Variants in KCNC2 observed in about 807,000 individuals in gnomAD.
KCNC2 encodes the protein potassium voltage-gated channel subfamily C member 2.
Under a neutral mutation model 44.5 loss-of-function variants are expected in KCNC2, and 21 were observed. That is an observed-to-expected ratio of 0.47 (90% CI 0.33 to 0.68). The LOEUF (loss-of-function observed/expected upper bound fraction) is 0.68. Ranked by LOEUF, KCNC2 falls within the 30% of genes least tolerant of loss-of-function variation. The probability of loss-of-function intolerance (pLI) is 0.01; values close to 1 mark genes in which losing one functional copy is unlikely to be tolerated. For missense variants in KCNC2, 589 were observed against 826.2 expected (o/e 0.71, Z 3.52); for synonymous variants, 391 against 339.1 (o/e 1.15, Z -1.68).
At chr12:75,181,691 T>G in intron 2 of KCNC2, among the ~76,000 whole-genome samples, 1 of 152,162 alleles carries the variant, frequency 6.6e-6, no homozygotes, top group East Asian at 1.9e-4. Flanking sequence ...CAAATTCTCC[T>G]CAATGATTTT....
Position 75,137,259 on chromosome 12 carries a change from T to C in KCNC2, c.687+70038A>G, listed in dbSNP as rs745612464. On this transcript the variant is annotated intron_variant, in intron 2 of 4. Coordinates refer to ENST00000549446, the MANE Select transcript of KCNC2 (RefSeq NM_139137.4). ...TACCAACTCCTCAAGGATCTCATCC[T>C]CAGCTCTTTTTTCTTTACACTCTGC... Among the ~76,000 whole-genome samples, 70 of 152,192 alleles carry C rather than the reference T, an allele frequency of 4.6e-4. 1 individual carries two copies. The highest frequency in any genetic ancestry group is 2.9e-3 in the Admixed American group (44 of 15,272).
intron 2 of KCNC2, among the ~76,000 whole-genome samples, chr12:75,064,943 ATG>A (rs571705468): frequency 6.6e-6 from 1 of 151,958 alleles, no homozygotes; most frequent in South Asian, 2.1e-4. Flanking sequence ...TCTACTACAT[ATG>A]TGTGTGTGTA....
chr12:75,180,818 T>A (rs1892522192), intron 2 of KCNC2, among the ~76,000 whole-genome samples: 1 of 152,064 alleles, frequency 6.6e-6, no homozygotes, highest in Admixed American at 6.6e-5. Flanking sequence ...CCTTCTTTGA[T>A]ATTTAAAAGA....
At position 75,087,236 on chromosome 12, in the gene KCNC2, G is replaced by T. The variant is rs540174498; in HGVS notation, c.688-35919C>A. On this transcript the variant is annotated intron_variant, in intron 2 of 4. Coordinates refer to ENST00000549446, the MANE Select transcript of KCNC2 (RefSeq NM_139137.4). The stretch of plus-strand genomic sequence containing the variant: ...TATTAAAGGTAGCATTGGATATGGG[G>T]TATGATGTGAATTTGTTAGGGCCTC... Among the ~76,000 whole-genome samples, 4 of 152,152 alleles carry T rather than the reference G, an allele frequency of 2.6e-5. No homozygotes were observed. The South Asian group carries it at 8.3e-4, about 32-fold the overall frequency.
In KCNC2 at chr12:75,104,739, C is replaced by T. The variant is rs150744642; in HGVS notation, c.688-53422G>A. On this transcript the variant is annotated intron_variant, in intron 2 of 4. Coordinates refer to ENST00000549446, the MANE Select transcript of KCNC2 (RefSeq NM_139137.4). ...AACATCTTTGTATATATAGTAGATACGCATATGGAAACTGACATACAGAGA... is the reference window on the plus strand; with the variant it reads ...AACATCTTTGTATATATAGTAGATATGCATATGGAAACTGACATACAGAGA... 2.0e-3 allele frequency among the ~76,000 whole-genome samples: 299 copies of T among 152,046 alleles called. 2 individuals carry two copies. Among genetic ancestry groups the T allele is most frequent in the African/African-American group, 6.8e-3 (280 of 41,476 alleles).
At chr12:75,047,431 C>T (rs2136929329) in intron 4 of KCNC2, among the ~76,000 whole-genome samples, 1 of 152,142 alleles carries the variant, frequency 6.6e-6, no homozygotes, top group East Asian at 1.9e-4. Context: ...ACCAAAGATG[C>T]TCATCCCACA....
intron 2 of KCNC2, among the ~76,000 whole-genome samples, chr12:75,090,127 A>T (rs1266668631): frequency 6.6e-6 from 1 of 151,778 alleles, no homozygotes; most frequent in Non-Finnish European, 1.5e-5. Context: ...TCATTCCAAC[A>T]GTCTAGATGG....
intron 2 of KCNC2, among the ~76,000 whole-genome samples, chr12:75,081,570 A>T (rs1224735947): frequency 6.6e-6 from 1 of 152,038 alleles, no homozygotes. Flanking sequence ...TGCTGGGTAT[A>T]GTTTGCTAAA....
In KCNC2 at chr12:75,124,875, C is replaced by G. The variant is rs577119997; in HGVS notation, c.688-73558G>C. 3 of 152,230 alleles carry G rather than the reference C, an allele frequency of 2.0e-5. No individual in the cohort carries two copies. The South Asian group carries it at 6.2e-4, about 32-fold the overall frequency. 9.4% of individuals were successfully genotyped at this position (152,230 alleles called of 1,614,324 possible). ...ATCCCAGCACTTTGGGAGGTCGAGGCGGGTGGATCACGAGGTCAGGAGATC... is the reference window on the plus strand; with the variant it reads ...ATCCCAGCACTTTGGGAGGTCGAGGGGGGTGGATCACGAGGTCAGGAGATC... On this transcript the variant is annotated intron_variant, in intron 2 of 4. Transcript: ENST00000549446.
At chr12:75,191,303 A>G (rs1360400309) in intron 2 of KCNC2, among the ~76,000 whole-genome samples, 1 of 151,786 alleles carries the variant, frequency 6.6e-6, no homozygotes, top group Non-Finnish European at 1.5e-5. Flanking sequence ...AAATGAATTA[A>G]CTAAACTAAA....
chr12:75,137,119 G>A (rs1479917086), intron 2 of KCNC2, among the ~76,000 whole-genome samples: 1 of 151,902 alleles, frequency 6.6e-6, no homozygotes, highest in African/African-American at 2.4e-5. Flanking sequence ...ACACTTTTAG[G>A]GCTTCTCTTT....
At chr12:75,128,094 C>T (rs971739961) in intron 2 of KCNC2, among the ~76,000 whole-genome samples, 1 of 152,072 alleles carries the variant, frequency 6.6e-6, no homozygotes, top group Non-Finnish European at 1.5e-5. Context: ...ATGTAATTCT[C>T]TATGGCCCAC....
At chr12:75,201,531 A>G (rs2031277427) in intron 2 of KCNC2, among the ~76,000 whole-genome samples, 1 of 151,850 alleles carries the variant, frequency 6.6e-6, no homozygotes, top group Admixed American at 6.6e-5. Flanking sequence ...AGATGAAGTA[A>G]ATTCTCCAAG....
chr12:75,099,206 T>C (rs1049680143), intron 2 of KCNC2, among the ~76,000 whole-genome samples: 6 of 152,160 alleles, frequency 3.9e-5, no homozygotes, highest in African/African-American at 1.4e-4. Flanking sequence ...CTGGCACAAA[T>C]GCAAGGTGCC....
intron 2 of KCNC2, among the ~76,000 whole-genome samples, chr12:75,115,177 G>A (rs1887572151): frequency 6.6e-6 from 1 of 152,042 alleles, no homozygotes; most frequent in South Asian, 2.1e-4. Flanking sequence ...TTCTACTTTT[G>A]ATGACTAGCT....
At chr12:75,054,805 A>T (rs1881564394) in intron 2 of KCNC2, among the ~76,000 whole-genome samples, 1 of 152,222 alleles carries the variant, frequency 6.6e-6, no homozygotes, top group South Asian at 2.1e-4. Flanking sequence ...AGAGGAACTC[A>T]GTTTGTTAGC....
chr12:75,158,329 C>T (rs1413207546), intron 2 of KCNC2, among the ~76,000 whole-genome samples: 1 of 151,806 alleles, frequency 6.6e-6, no homozygotes, highest in African/African-American at 2.4e-5. Context: ...ATCTGCACAG[C>T]TTTATGGACA....
At chr12:75,163,409 C>T (rs1426643971) in intron 2 of KCNC2, among the ~76,000 whole-genome samples, 1 of 151,546 alleles carries the variant, frequency 6.6e-6, no homozygotes, top group Non-Finnish European at 1.5e-5. Flanking sequence ...AATGGGATTC[C>T]TAAACTTGAA....
intron 2 of KCNC2, among the ~76,000 whole-genome samples, chr12:75,102,909 A>T (rs533918630): frequency 2.6e-5 from 4 of 152,082 alleles, no homozygotes; most frequent in Non-Finnish European, 4.4e-5. Context: ...CATTGCATGG[A>T]ATGGAGTGTT....
Sources: allele counts gnomAD v4.1 joint callset (sites outside exome capture counted in the v4.1 genomes callset), GRCh38; gene constraint gnomAD v4.1.1; transcripts MANE v1.5; gene names NCBI Gene and HGNC (gene_info 2026-07-23, HGNC 2026-07-21).